PXDN: variants seen among roughly 807,000 people sequenced by gnomAD.
PXDN encodes the protein peroxidasin, also known as peroxidasin homolog.
A neutral mutation model predicts 140.3 loss-of-function variants in PXDN; 77 were observed. The observed-to-expected ratio is 0.55, with a 90% CI of 0.46 to 0.66. The LOEUF is 0.66. Among genes scored for constraint, PXDN ranks in the 30% least tolerant of loss-of-function variants. The pLI is 0.00. For missense variants in PXDN, 1,838 were observed against 2,039.5 expected, an observed-to-expected ratio of 0.90 and a Z score of 1.90; for synonymous variants, 911 against 857.4, an observed-to-expected ratio of 1.06 and a Z score of -1.09.
At chr2:1,700,175 C>T (rs1444146487) in intron 1 of PXDN, among the ~76,000 whole-genome samples, 1 of 152,128 alleles carries the variant, frequency 6.6e-6, no homozygotes. Flanking sequence ...AATTCTCCTG[C>T]CTCAGCCTCC....
intron 10 of PXDN, 143 bp downstream of exon 10, chr2:1,666,071 G>T (rs113039285): frequency 7.7e-6 from 9 of 1,162,390 alleles, no homozygotes; most frequent in Non-Finnish European, 1.1e-5. Flanking sequence ...TAGTCCAAGG[G>T]GGGTGTAATG....
intron 21 of PXDN, 156 bp from the exon 22 acceptor site, chr2:1,635,677 C>G: frequency 1.5e-6 from 1 of 678,300 alleles, no homozygotes; most frequent in Non-Finnish European, 2.6e-6. Context: ...CTCCAATGTC[C>G]TTATTAGACT....
chr2:1,709,439 C>A (rs565157562), intron 1 of PXDN, among the ~76,000 whole-genome samples: 2 of 151,986 alleles, frequency 1.3e-5, no homozygotes, highest in African/African-American at 4.8e-5. Flanking sequence ...GGACCTCTAA[C>A]GGAAGCCACA....
chr2:1,647,205 T>C (rs1478623215), intron 17 of PXDN, among the ~76,000 whole-genome samples: 1 of 152,164 alleles, frequency 6.6e-6, no homozygotes, highest in Non-Finnish European at 1.5e-5. Flanking sequence ...CAATTATTTC[T>C]ATTTCCTTAA....
At chr2:1,681,310 T>G (rs1409450537) in intron 6 of PXDN, among the ~76,000 whole-genome samples, 3 of 147,474 alleles carry the variant, frequency 2.0e-5, no homozygotes, top group Non-Finnish European at 1.5e-5. Flanking sequence ...TCTATTTCCC[T>G]TTTTTTTTTC....
chr2:1,715,340 T>C (rs60041175), intron 1 of PXDN, among the ~76,000 whole-genome samples: 39,008 of 151,894 alleles, frequency 0.26, 5,343 homozygotes, highest in East Asian at 0.62. Context: ...TCCGGGAAAA[T>C]ACTGCAGGCC....
intron 3 of PXDN, among the ~76,000 whole-genome samples, chr2:1,688,890 T>C (rs1684124566): frequency 6.6e-6 from 1 of 152,030 alleles, no homozygotes; most frequent in Admixed American, 6.6e-5. Flanking sequence ...GTAACTTAAT[T>C]AATAATGTCT....
chr2:1,663,228 A>G (rs1189897355), intron 12 of PXDN, among the ~76,000 whole-genome samples: 1 of 152,148 alleles, frequency 6.6e-6, no homozygotes, highest in Non-Finnish European at 1.5e-5. Flanking sequence ...GTGCCTTGGG[A>G]GCTGACTTGA....
At chr2:1,742,513 C>T (rs1388553804) in intron 1 of PXDN, among the ~76,000 whole-genome samples, 2 of 152,180 alleles carry the variant, frequency 1.3e-5, no homozygotes, top group East Asian at 3.9e-4. Context: ...GCAGAGGACC[C>T]CATGTGTGTC....
intron 1 of PXDN, among the ~76,000 whole-genome samples, chr2:1,739,794 ATGTT>A (rs1685499668): frequency 6.6e-6 from 1 of 152,114 alleles, no homozygotes; most frequent in Admixed American, 6.5e-5. Flanking sequence ...CGCTGAGAAA[ATGTT>A]TGGTCCGCCC....
intron 1 of PXDN, among the ~76,000 whole-genome samples, chr2:1,704,512 T>G (rs1165005171): frequency 2.1e-4 from 11 of 52,068 alleles, no homozygotes; most frequent in South Asian, 7.5e-4. Flanking sequence ...CAACTCCAGG[T>G]GAAGGTGGGG....
intron 7 of PXDN, among the ~76,000 whole-genome samples, chr2:1,679,569 G>GGTATGT (rs1683821311): frequency 7.7e-6 from 1 of 129,274 alleles, no homozygotes; most frequent in Non-Finnish European, 1.7e-5. Flanking sequence ...GTGTGTAAAT[G>GGTATGT]GTGTGTGTGG....
chr2:1,658,589 C>T (rs1009945362), intron 14 of PXDN, among the ~76,000 whole-genome samples: 1 of 152,066 alleles, frequency 6.6e-6, no homozygotes, highest in Non-Finnish European at 1.5e-5. Context: ...TCGCCCTGGA[C>T]CCTTCATCCA....
At chr2:1,641,530 G>A (rs144059099) in intron 19 of PXDN, among the ~76,000 whole-genome samples, 5 of 152,278 alleles carry the variant, frequency 3.3e-5, no homozygotes, top group East Asian at 1.9e-4. Flanking sequence ...TTCTGTTTTC[G>A]TATTTTTCTG....
At chr2:1,688,829 A>ATAATATTTATATTAT (rs199760174) in intron 3 of PXDN, among the ~76,000 whole-genome samples, 2,353 of 152,148 alleles carry the variant, frequency 0.015, 37 homozygotes, top group Admixed American at 0.039. Context: ...TTTTTGTCTT[A>ATAATATTTATATTAT]ATGCTTATAA....
chr2:1,715,387 G>A (rs553194426), intron 1 of PXDN, among the ~76,000 whole-genome samples: 1 of 152,278 alleles, frequency 6.6e-6, no homozygotes, highest in South Asian at 2.1e-4. Flanking sequence ...CAAAAACAGC[G>A]ACGGAGCGGG....
intron 13 of PXDN, 95 bp from the exon 14 acceptor site, chr2:1,661,132 A>T (rs1184136315): frequency 2.1e-6 from 3 of 1,449,110 alleles, no homozygotes; most frequent in Non-Finnish European, 2.8e-6. Context: ...ATTTGTTAGG[A>T]TTTGCAAATG....
chr2:1,700,101 A>G (rs1684387999), intron 1 of PXDN, among the ~76,000 whole-genome samples: 1 of 152,018 alleles, frequency 6.6e-6, no homozygotes, highest in Non-Finnish European at 1.5e-5. Context: ...TCACTCTATC[A>G]CCCAGGCTGG....
chr2:1,729,657 G>A (rs12615563), intron 1 of PXDN, among the ~76,000 whole-genome samples: 64,502 of 151,870 alleles, frequency 0.42, 14,291 homozygotes, highest in Admixed American at 0.55. Context: ...ATTCACCACT[G>A]AAGAACTTAT....
Sources: allele counts gnomAD v4.1 joint callset (sites outside exome capture counted in the v4.1 genomes callset), GRCh38; gene constraint gnomAD v4.1.1; transcripts MANE v1.5; gene names NCBI Gene and HGNC (gene_info 2026-07-23, HGNC 2026-07-21).